Variants in PDE4D observed in about 807,000 individuals in gnomAD.
The protein encoded by PDE4D is 3',5'-cyclic-AMP phosphodiesterase 4D.
In PDE4D, 24 loss-of-function variants were observed where a neutral mutation model predicts 87.4. That is an observed-to-expected ratio of 0.27 (90% CI 0.20 to 0.39). PDE4D has a LOEUF of 0.39. Among genes scored for constraint, PDE4D ranks in the 10% least tolerant of loss-of-function variants. PDE4D has a pLI of 1.00. For missense variants in PDE4D, 714 were observed against 1,041.0 expected (o/e 0.69, Z 4.32); for synonymous variants, 384 against 383.2 (o/e 1.00, Z -0.02).
Position 60,465,560 on chromosome 5 carries a change from C to T in PDE4D, c.-90+22382G>A, listed in dbSNP as rs115242477. Among the ~76,000 whole-genome samples the T allele has an allele frequency of 4.2e-3, 644 of 152,120 alleles. 2 individuals are homozygous for T. Among genetic ancestry groups the T allele is most frequent in the Non-Finnish European group, 5.2e-3 (352 of 68,004 alleles). On this transcript the variant is annotated intron_variant, in intron 1 of 16. Coordinates refer to the PDE4D transcript ENST00000502484. Reference sequence around the variant, plus strand: ...ACATTAATTATTTATTATTTGTATGCTCGTCAAGCTTTTAAAAAAAGAGTG... The same window carrying T: ...ACATTAATTATTTATTATTTGTATGTTCGTCAAGCTTTTAAAAAAAGAGTG...
intron 1 of PDE4D, among the ~76,000 whole-genome samples, chr5:59,627,475 A>AT (rs1831029312): frequency 6.6e-6 from 1 of 152,302 alleles, no homozygotes; most frequent in Non-Finnish European, 1.5e-5. Flanking sequence ...CTAGCACTGA[A>AT]TTTTATATAA....
At chr5:60,470,722 C>T (rs535451399) in intron 1 of PDE4D, among the ~76,000 whole-genome samples, 1 of 152,154 alleles carries the variant, frequency 6.6e-6, no homozygotes, top group African/African-American at 2.4e-5. Flanking sequence ...TAGATGACAG[C>T]ACATCTGTTT....
chr5:59,828,991 TG>T (rs1261017670), intron 1 of PDE4D, among the ~76,000 whole-genome samples: 1 of 152,064 alleles, frequency 6.6e-6, no homozygotes, highest in Non-Finnish European at 1.5e-5. Flanking sequence ...AAACTTATAA[TG>T]CAGGGGTAAT....
intron 1 of PDE4D, among the ~76,000 whole-genome samples, chr5:59,232,916 T>C (rs1755559314): frequency 1.3e-5 from 2 of 151,992 alleles, no homozygotes; most frequent in African/African-American, 4.8e-5. Flanking sequence ...TTGACCTGAA[T>C]GTTAAGTGAA....
At chr5:59,818,426 A>G (rs1470964739) in intron 1 of PDE4D, among the ~76,000 whole-genome samples, 1 of 152,240 alleles carries the variant, frequency 6.6e-6, no homozygotes, top group Non-Finnish European at 1.5e-5. Flanking sequence ...ATTGCTATCA[A>G]TACAACTACT....
chr5:59,370,535 T>C (rs1210951959), intron 1 of PDE4D, among the ~76,000 whole-genome samples: 1 of 152,244 alleles, frequency 6.6e-6, no homozygotes, highest in Non-Finnish European at 1.5e-5. Context: ...CAGGGATACC[T>C]ATTCTGACTT....
chr5:60,054,985 G>A (rs1429057061), intron 2 of PDE4D, among the ~76,000 whole-genome samples: 3 of 152,082 alleles, frequency 2.0e-5, no homozygotes, highest in African/African-American at 7.2e-5. Flanking sequence ...AACTACAGAT[G>A]TGAAGTCATT....
intron 1 of PDE4D, among the ~76,000 whole-genome samples, chr5:59,322,389 A>C (rs1774874503): frequency 6.6e-6 from 1 of 152,086 alleles, no homozygotes; most frequent in Non-Finnish European, 1.5e-5. Context: ...ACTGGTTCTG[A>C]TTCTGACCAA....
chr5:58,985,393 G>A (rs183617241), intron 11 of PDE4D, among the ~76,000 whole-genome samples: 4 of 152,208 alleles, frequency 2.6e-5, no homozygotes, highest in Admixed American at 2.0e-4. Context: ...TGCTTTCAAC[G>A]AGTGTAAATA....
chr5:60,202,992 G>A (rs1402756694), intron 1 of PDE4D, among the ~76,000 whole-genome samples: 1 of 152,170 alleles, frequency 6.6e-6, no homozygotes, highest in East Asian at 1.9e-4. Context: ...AATTTTTTGA[G>A]ACAGAGTTTC....
At chr5:60,017,174 G>A (rs1765604152) in intron 2 of PDE4D, among the ~76,000 whole-genome samples, 1 of 152,188 alleles carries the variant, frequency 6.6e-6, no homozygotes, top group African/African-American at 2.4e-5. Context: ...TTCCTAAGCA[G>A]TAGGTCTCAA....
At chr5:59,482,228 C>A (rs1322927001) in intron 1 of PDE4D, among the ~76,000 whole-genome samples, 1 of 152,052 alleles carries the variant, frequency 6.6e-6, no homozygotes, top group Non-Finnish European at 1.5e-5. Context: ...TTCTCCTATT[C>A]TAGAGCATTA....
In PDE4D at chr5:59,061,878, C is replaced by T. The variant is rs193213743; in HGVS notation, c.809-22907G>A. Among the ~76,000 whole-genome samples the T allele has an allele frequency of 3.9e-5, 6 of 152,106 alleles. No homozygotes were observed. In the East Asian group the frequency reaches 5.8e-4, roughly 15 times the overall value. ...TTTTTTTAAGATAGCAAGTATAAAA[C>T]GGCTATAAGTACCATGTTGAGTAGA... On this transcript the variant is annotated intron_variant, in intron 5 of 14. Coordinates refer to ENST00000340635, the MANE Select transcript of PDE4D (RefSeq NM_001104631.2).
chr5:59,123,878 G>C (rs987535636), intron 5 of PDE4D, among the ~76,000 whole-genome samples: 2 of 152,112 alleles, frequency 1.3e-5, no homozygotes, highest in South Asian at 4.1e-4. Context: ...TCTAAGCTAC[G>C]TGACTCTGGG....
intron 1 of PDE4D, among the ~76,000 whole-genome samples, chr5:59,352,332 C>A (rs1172746602): frequency 6.6e-6 from 1 of 152,110 alleles, no homozygotes; most frequent in African/African-American, 2.4e-5. Flanking sequence ...CTGTGGCACA[C>A]TAAAAACAAC....
At chr5:59,075,820 T>C (rs1291977246) in intron 5 of PDE4D, among the ~76,000 whole-genome samples, 1 of 152,154 alleles carries the variant, frequency 6.6e-6, no homozygotes, top group Non-Finnish European at 1.5e-5. Flanking sequence ...CTTATTAATT[T>C]TATCCTTTCT....
chr5:59,938,790 C>G, intron 3 of PDE4D, among the ~76,000 whole-genome samples: 1 of 152,224 alleles, frequency 6.6e-6, no homozygotes, highest in Non-Finnish European at 1.5e-5. Flanking sequence ...ATCATATCCT[C>G]TTGAATTTTT....
chr5:59,050,507 C>T (rs1048067093), intron 5 of PDE4D, among the ~76,000 whole-genome samples: 3 of 152,126 alleles, frequency 2.0e-5, no homozygotes, highest in East Asian at 1.9e-4. Context: ...AAGAGTATAT[C>T]GGTTATATTT....
At chr5:59,270,648 T>A (rs1763639405) in intron 1 of PDE4D, among the ~76,000 whole-genome samples, 1 of 152,200 alleles carries the variant, frequency 6.6e-6, no homozygotes, top group South Asian at 2.1e-4. Context: ...AAGCTATTTT[T>A]CAACAACCAA....
Sources: gnomAD v4.1 joint callset for allele counts (sites outside exome capture counted in the v4.1 genomes callset) on GRCh38, gnomAD v4.1.1 for gene constraint, MANE v1.5 for transcripts, NCBI Gene and HGNC (gene_info 2026-07-23, HGNC 2026-07-21) for gene names.